Variants in PTPRD observed in about 807,000 individuals in gnomAD.
The protein encoded by PTPRD is receptor-type tyrosine-protein phosphatase delta.
Under a neutral mutation model 214.5 loss-of-function variants are expected in PTPRD, and 34 were observed. The observed-to-expected ratio is 0.16, with a 90% CI of 0.12 to 0.21. PTPRD has a LOEUF of 0.21. Ranked by LOEUF, PTPRD falls within the 10% of genes least tolerant of loss-of-function variation. PTPRD has a pLI of 1.00. For synonymous variants in PTPRD, 1,128 were observed against 845.7 expected (o/e 1.33, Z -5.79); for missense variants, 2,545 against 2,398.7 (o/e 1.06, Z -1.27).
At chr9:9,407,257 A>T (rs2073817067) in intron 8 of PTPRD, among the ~76,000 whole-genome samples, 1 of 151,724 alleles carries the variant, frequency 6.6e-6, no homozygotes, top group African/African-American at 2.4e-5. Context: ...GACATCATAT[A>T]TGATAATTGT....
At chr9:9,951,290 G>A (rs996855855) in intron 4 of PTPRD, among the ~76,000 whole-genome samples, 1 of 152,150 alleles carries the variant, frequency 6.6e-6, no homozygotes, top group South Asian at 2.1e-4. Context: ...GGCCTCAATG[G>A]CAGTGTTTGA....
intron 2 of PTPRD, among the ~76,000 whole-genome samples, chr9:10,457,203 T>C (rs1383027081): frequency 1.3e-5 from 2 of 151,938 alleles, no homozygotes; most frequent in African/African-American, 2.4e-5. Context: ...TGCCATAAAA[T>C]TCATTCATTT....
At chr9:8,721,816 G>A (rs559835789) in intron 12 of PTPRD, among the ~76,000 whole-genome samples, 2 of 152,324 alleles carry the variant, frequency 1.3e-5, no homozygotes, top group South Asian at 2.1e-4. Flanking sequence ...TCAAGAGCTT[G>A]TGAAAGGTCT....
At chr9:9,938,422 AC>A (rs1318575856) in intron 5 of PTPRD, 84 bp downstream of exon 5, 8 of 152,304 alleles carry the variant, frequency 5.3e-5, no homozygotes, top group African/African-American at 1.9e-4. Flanking sequence ...TGATGGAGTT[AC>A]ATCATTAATT....
chr9:9,916,523 CTATA>C (rs374409149), intron 5 of PTPRD, among the ~76,000 whole-genome samples: 3 of 151,016 alleles, frequency 2.0e-5, no homozygotes, highest in East Asian at 1.9e-4. Flanking sequence ...AATCCTCTCT[CTATA>C]TATATATATA....
At chr9:8,757,717 A>G (rs1340440083) in intron 11 of PTPRD, among the ~76,000 whole-genome samples, 3 of 150,412 alleles carry the variant, frequency 2.0e-5, no homozygotes, top group East Asian at 3.9e-4. Flanking sequence ...AAGGAAAAAG[A>G]TTAGAACTAT....
chr9:10,404,432 C>G (rs1015666927), intron 2 of PTPRD, among the ~76,000 whole-genome samples: 5 of 151,570 alleles, frequency 3.3e-5, no homozygotes, highest in Non-Finnish European at 5.9e-5. Context: ...TGTATCAGTT[C>G]TTATTTGTAT....
intron 13 of PTPRD, 135 bp from the exon 14 acceptor site, chr9:8,633,593 T>C (rs1159865889): frequency 5.0e-6 from 5 of 1,000,728 alleles, no homozygotes; most frequent in South Asian, 3.4e-5. Flanking sequence ...AATTTTGATA[T>C]AGTGGTGAAA....
At chr9:8,655,973 G>C (rs1226307241) in intron 12 of PTPRD, among the ~76,000 whole-genome samples, 1 of 152,092 alleles carries the variant, frequency 6.6e-6, no homozygotes, top group African/African-American at 2.4e-5. Context: ...CCTGTTCAAA[G>C]AATTTGCTAA....
chr9:8,331,953 A>G (rs140001274), intron 43 of PTPRD, among the ~76,000 whole-genome samples: 1 of 68,460 alleles, frequency 1.5e-5, no homozygotes, highest in African/African-American at 1.5e-4. Flanking sequence ...TACTCTTGAA[A>G]TCCTAAATTT....
chr9:9,951,661 C>T (rs2093465652), intron 4 of PTPRD, among the ~76,000 whole-genome samples: 1 of 152,238 alleles, frequency 6.6e-6, no homozygotes, highest in Non-Finnish European at 1.5e-5. Flanking sequence ...CTCAACATTC[C>T]TTCCTACAGC....
intron 3 of PTPRD, among the ~76,000 whole-genome samples, chr9:10,098,161 C>A (rs1486338466): frequency 1.3e-5 from 2 of 151,696 alleles, no homozygotes; most frequent in African/African-American, 4.8e-5. Context: ...TACTATGGAG[C>A]CATAAAAAAT....
chr9:8,346,852 C>T (rs1379159324), intron 39 of PTPRD, among the ~76,000 whole-genome samples: 4 of 152,068 alleles, frequency 2.6e-5, no homozygotes, highest in African/African-American at 7.2e-5. Flanking sequence ...AGAATCAATC[C>T]TCTATATGTA....
At chr9:9,308,050 C>T (rs534673632) in intron 9 of PTPRD, among the ~76,000 whole-genome samples, 2 of 152,196 alleles carry the variant, frequency 1.3e-5, no homozygotes, top group Admixed American at 1.3e-4. Context: ...AGTTACTCAG[C>T]TTAATATTTG....
At chr9:9,058,174 G>A (rs116800523) in intron 10 of PTPRD, among the ~76,000 whole-genome samples, 1 of 152,058 alleles carries the variant, frequency 6.6e-6, no homozygotes, top group Non-Finnish European at 1.5e-5. Context: ...GAGGGAATTA[G>A]GGCTTGTACT....
At chr9:8,738,837 T>C (rs1039216057) in intron 11 of PTPRD, among the ~76,000 whole-genome samples, 15 of 152,104 alleles carry the variant, frequency 9.9e-5, no homozygotes, top group African/African-American at 3.1e-4. Context: ...TCTGAACATT[T>C]TTCATTTTTC....
intron 2 of PTPRD, among the ~76,000 whole-genome samples, chr9:10,448,267 T>C (rs143823716): frequency 5.3e-5 from 8 of 151,818 alleles, no homozygotes; most frequent in Admixed American, 3.3e-4. Context: ...AATTAGAGAG[T>C]TGGTGATAGC....
rs548746312 is a variant in PTPRD, at chr9:9,290,764, A to G, written c.-203+106685T>C. On this transcript the variant is annotated intron_variant, in intron 9 of 45. Transcript: ENST00000381196. ...TAACATGTGGAAATGATTTATAAAC[A>G]TGGGAGATTCATTTGCTAATTATTT... Among the ~76,000 whole-genome samples the G allele has an allele frequency of 4.6e-5, 7 of 151,672 alleles. No homozygotes were observed. In the East Asian group the frequency reaches 1.2e-3, roughly 25 times the overall value.
chr9:9,349,672 C>T (rs2050341042), intron 9 of PTPRD, among the ~76,000 whole-genome samples: 1 of 151,042 alleles, frequency 6.6e-6, no homozygotes, highest in Admixed American at 6.6e-5. Context: ...TTTTCTCACA[C>T]TCATCACCTC....
Sources: gnomAD v4.1 joint callset for allele counts (sites outside exome capture counted in the v4.1 genomes callset) on GRCh38, gnomAD v4.1.1 for gene constraint, MANE v1.5 for transcripts, NCBI Gene and HGNC (gene_info 2026-07-23, HGNC 2026-07-21) for gene names.